CHIC2: variants seen among roughly 807,000 people sequenced by gnomAD.
CHIC2 encodes the protein cysteine-rich hydrophobic domain-containing protein 2.
CHIC2 carries 14 observed loss-of-function variants against 25.9 expected under a neutral mutation model. The observed-to-expected ratio is 0.54, with a 90% confidence interval of 0.36 to 0.85. The LOEUF (loss-of-function observed/expected upper bound fraction) is 0.85, where lower values mean the gene tolerates loss of function less well. Among genes scored for constraint, CHIC2 ranks in the 40% least tolerant of loss-of-function variants. The probability of loss-of-function intolerance (pLI) is 0.01; values close to 1 mark genes in which losing one functional copy is unlikely to be tolerated. For missense variants in CHIC2, 146 were observed against 202.0 expected (o/e 0.72, Z 1.68); for synonymous variants, 70 against 72.0 (o/e 0.97, Z 0.14).
intron 1 of CHIC2, among the ~76,000 whole-genome samples, chr4:54,050,836 A>G (rs1716988258): frequency 6.6e-6 from 1 of 152,106 alleles, no homozygotes; most frequent in African/African-American, 2.4e-5. Flanking sequence ...CTACTGACCC[A>G]TTTATCAGAG....
At chr4:54,020,844 G>A (rs1577964719) in intron 3 of CHIC2, among the ~76,000 whole-genome samples, 1 of 152,090 alleles carries the variant, frequency 6.6e-6, no homozygotes, top group Non-Finnish European at 1.5e-5. Flanking sequence ...TTGCAGAGAC[G>A]CCTGCCTGAT....
chr4:54,080,327 G>T, the CHIC2 span, among the ~76,000 whole-genome samples: 1 of 151,912 alleles, frequency 6.6e-6, no homozygotes, highest in Admixed American at 6.6e-5. Context: ...CTTATAGGTG[G>T]AATCTAAAAA....
At chr4:54,075,190 C>G in the CHIC2 span, among the ~76,000 whole-genome samples, 7 of 152,178 alleles carry the variant, frequency 4.6e-5, no homozygotes, top group African/African-American at 1.7e-4. Context: ...TATAACCTTG[C>G]TCTCAGTGAC....
At chr4:54,043,599 A>C (rs1716667413) in intron 3 of CHIC2, among the ~76,000 whole-genome samples, 1 of 152,140 alleles carries the variant, frequency 6.6e-6, no homozygotes, top group Non-Finnish European at 1.5e-5. Flanking sequence ...AGACAAGCAA[A>C]TGCTGAGAGA....
At chr4:54,079,139 C>T in the CHIC2 span, among the ~76,000 whole-genome samples, 4 of 151,986 alleles carry the variant, frequency 2.6e-5, no homozygotes, top group Non-Finnish European at 5.9e-5. Flanking sequence ...ATTGCTTGAA[C>T]CTGGAAGGCA....
the CHIC2 span, among the ~76,000 whole-genome samples, chr4:54,072,813 C>T: frequency 3.3e-5 from 5 of 152,250 alleles, no homozygotes; most frequent in Non-Finnish European, 5.9e-5. Context: ...TGGCTCATGC[C>T]GGTAATCCCA....
rs567206318 is a variant in CHIC2 at position 54,029,135 on chromosome 4, A to C, written c.331-15016T>G. 8.3e-4 allele frequency among the ~76,000 whole-genome samples: 127 copies of C among 152,252 alleles called. 2 individuals carry two copies. Among genetic ancestry groups the C allele is most frequent in the Non-Finnish European group, 1.3e-3 (86 of 68,008 alleles). On this transcript the variant is annotated intron_variant, in intron 3 of 5. Transcript: ENST00000263921. ...AGACTCCATCTCAAAGAAAAAAAAA[A>C]AAAAACAAAAGTCAAATATCAAATA...
intron 3 of CHIC2, among the ~76,000 whole-genome samples, chr4:54,021,998 T>C (rs1715913172): frequency 6.6e-6 from 1 of 152,078 alleles, no homozygotes; most frequent in African/African-American, 2.4e-5. Flanking sequence ...CCAGCTACAT[T>C]GCCAGCACAC....
chr4:54,030,472 A>G (rs1355389469), intron 3 of CHIC2, among the ~76,000 whole-genome samples: 1 of 150,434 alleles, frequency 6.6e-6, no homozygotes, highest in African/African-American at 2.4e-5. Context: ...GCAGTGAGCC[A>G]TGATCATGCC....
chr4:54,058,555 C>CAT (rs542378259), intron 1 of CHIC2, among the ~76,000 whole-genome samples: 2,667 of 119,038 alleles, frequency 0.022, 19 homozygotes, highest in Middle Eastern at 0.05. Flanking sequence ...CACATACACA[C>CAT]ACATACACAC....
At chr4:54,054,393 C>G (rs138357227) in intron 1 of CHIC2, among the ~76,000 whole-genome samples, 24 of 152,244 alleles carry the variant, frequency 1.6e-4, no homozygotes, top group African/African-American at 5.8e-4. Flanking sequence ...ACGAATTTTG[C>G]TTTTTAAATG....
intron 3 of CHIC2, among the ~76,000 whole-genome samples, chr4:54,037,268 GAGCCTGGGA>G (rs1336472973): frequency 6.6e-6 from 1 of 152,044 alleles, no homozygotes; most frequent in Non-Finnish European, 1.5e-5. Context: ...AGGATGAGTG[GAGCCTGGGA>G]AGTCTGGGAA....
At chr4:54,087,736 G>T in the CHIC2 span, 1 of 512,800 alleles carries the variant, frequency 2.0e-6, no homozygotes, top group South Asian at 4.4e-5. Context: ...TCTTTTTACT[G>T]GCGGTGATTA....
At chr4:54,090,357 G>T in the CHIC2 span, among the ~76,000 whole-genome samples, 4 of 151,992 alleles carry the variant, frequency 2.6e-5, no homozygotes, top group African/African-American at 9.7e-5. Context: ...GCTAATTTTT[G>T]TATTTTTAGT....
At chr4:54,023,102 T>TA (rs138680079) in intron 3 of CHIC2, among the ~76,000 whole-genome samples, 1,565 of 152,126 alleles carry the variant, frequency 0.01, 21 homozygotes, top group African/African-American at 0.035. Flanking sequence ...TTCCATTCCT[T>TA]AAAAACAGCC....
chr4:54,048,029 C>T (rs995991896), intron 3 of CHIC2, among the ~76,000 whole-genome samples: 1 of 152,062 alleles, frequency 6.6e-6, no homozygotes, highest in African/African-American at 2.4e-5. Flanking sequence ...ACTATTGTTG[C>T]CCAGGCTGGA....
chr4:54,080,755 CA>C, the CHIC2 span, among the ~76,000 whole-genome samples: 5,159 of 90,328 alleles, frequency 0.057, 68 homozygotes, highest in South Asian at 0.068. Flanking sequence ...GACTCTGTCT[CA>C]AAAAAAAAAA....
intron 1 of CHIC2, among the ~76,000 whole-genome samples, chr4:54,057,246 C>T (rs764150271): frequency 6.6e-5 from 10 of 152,230 alleles, no homozygotes; most frequent in Middle Eastern, 3.4e-3. Context: ...CTAGCTGGGG[C>T]CACTATCATG....
chr4:54,028,549 A>G (rs1430313153), intron 3 of CHIC2, among the ~76,000 whole-genome samples: 1 of 152,230 alleles, frequency 6.6e-6, no homozygotes, highest in African/African-American at 2.4e-5. Flanking sequence ...AGAGTGAGTA[A>G]GGACTCAACT....
Sources: allele counts gnomAD v4.1 joint callset (sites outside exome capture counted in the v4.1 genomes callset), GRCh38; gene constraint gnomAD v4.1.1; transcripts MANE v1.5; gene names NCBI Gene and HGNC (gene_info 2026-07-23, HGNC 2026-07-21).